Variants in MCF2L2 observed in about 807,000 individuals in gnomAD.
The protein encoded by MCF2L2 is MCF.2 cell line derived transforming sequence-like 2.
Under a neutral mutation model 150.2 loss-of-function variants are expected in MCF2L2, and 102 were observed. The observed-to-expected ratio is 0.68, with a 90% confidence interval of 0.58 to 0.80. MCF2L2 has a LOEUF of 0.80. Among genes scored for constraint, MCF2L2 ranks in the 30% least tolerant of loss-of-function variants. MCF2L2 has a pLI of 0.00. For synonymous variants in MCF2L2, 465 were observed against 491.3 expected (o/e 0.95, Z 0.71); for missense variants, 1,256 against 1,372.8 (o/e 0.91, Z 1.34).
At chr3:183,360,358 A>C (rs765273910) in intron 3 of MCF2L2, among the ~76,000 whole-genome samples, 1 of 152,130 alleles carries the variant, frequency 6.6e-6, no homozygotes, top group Non-Finnish European at 1.5e-5. Context: ...ACTTGAGCCC[A>C]GGAGTTCATG....
chr3:183,315,495 G>A (rs969703659), intron 7 of MCF2L2, among the ~76,000 whole-genome samples: 1 of 152,158 alleles, frequency 6.6e-6, no homozygotes, highest in African/African-American at 2.4e-5. Flanking sequence ...CTTACAGGTT[G>A]GATAGGGGGT....
At chr3:183,221,943 G>T (rs1353566) in intron 20 of MCF2L2, among the ~76,000 whole-genome samples, 93,015 of 152,018 alleles carry the variant, frequency 0.61, 28,745 homozygotes, top group East Asian at 0.7. Flanking sequence ...GCCCAAGAGG[G>T]CAAGGTCTCA....
chr3:183,296,925 C>G, intron 12 of MCF2L2, 51 bp downstream of exon 12: 1 of 1,559,856 alleles, frequency 6.4e-7, no homozygotes. Flanking sequence ...CAGTCCCTCC[C>G]TCCCCTATCC....
chr3:183,412,649 T>C (rs1170451843), intron 1 of MCF2L2, among the ~76,000 whole-genome samples: 3 of 152,204 alleles, frequency 2.0e-5, no homozygotes, highest in Non-Finnish European at 4.4e-5. Context: ...ATATACAAGA[T>C]CATGTCATCT....
intron 15 of MCF2L2, among the ~76,000 whole-genome samples, chr3:183,245,973 A>G (rs1724234139): frequency 6.6e-6 from 1 of 152,184 alleles, no homozygotes; most frequent in Non-Finnish European, 1.5e-5. Flanking sequence ...AACTACCTCA[A>G]ATTCTTTTTG....
intron 7 of MCF2L2, among the ~76,000 whole-genome samples, chr3:183,315,868 A>T (rs531518750): frequency 6.6e-6 from 1 of 152,280 alleles, no homozygotes; most frequent in South Asian, 2.1e-4. Context: ...CTAAAAATCT[A>T]AATGTTTTAA....
intron 20 of MCF2L2, among the ~76,000 whole-genome samples, chr3:183,220,334 T>C (rs891928017): frequency 6.6e-6 from 1 of 152,252 alleles, no homozygotes; most frequent in African/African-American, 2.4e-5. Flanking sequence ...TAGAGTGTTA[T>C]ATCTTAGAGA....
At chr3:183,419,961 G>A (rs112561828) in intron 1 of MCF2L2, among the ~76,000 whole-genome samples, 9 of 152,354 alleles carry the variant, frequency 5.9e-5, no homozygotes, top group Middle Eastern at 3.4e-3. Flanking sequence ...AAGTTCTACA[G>A]ATCTCTAAGG....
At chr3:183,397,753 T>A (rs547422113) in intron 1 of MCF2L2, among the ~76,000 whole-genome samples, 6 of 152,216 alleles carry the variant, frequency 3.9e-5, no homozygotes, top group Non-Finnish European at 5.9e-5. Flanking sequence ...ATATGCAGCA[T>A]TTTAGCCAAG....
At position 183,270,891 on chromosome 3, in the gene MCF2L2, A is replaced by G. The variant is rs965776639; in HGVS notation, c.1862+5981T>C. ...AATGAAGATAATTCTCCTTTGTAAAATTAGCTATGTGGACACATACCCTTG... is the reference window on the plus strand; with the variant it reads ...AATGAAGATAATTCTCCTTTGTAAAGTTAGCTATGTGGACACATACCCTTG... On this transcript the variant is annotated intron_variant, in intron 15 of 29. Coordinates refer to ENST00000328913, the MANE Select transcript of MCF2L2 (RefSeq NM_015078.4). The surrounding 1 kb of genome is among the most constrained non-coding windows in gnomAD (Gnocchi z 4.5). 2.5e-6 allele frequency: 4 copies of G among 1,606,756 alleles called. No individual in the cohort carries two copies. The African/African-American group carries it at 4.0e-5, about 16-fold the overall frequency.
intron 10 of MCF2L2, among the ~76,000 whole-genome samples, chr3:183,300,821 C>T (rs1035219918): frequency 4.0e-5 from 6 of 151,574 alleles, no homozygotes; most frequent in African/African-American, 9.7e-5. Flanking sequence ...GTTCAAGACG[C>T]GCCTGACCAA....
chr3:183,186,078 CA>C (rs1721683108), intron 27 of MCF2L2, among the ~76,000 whole-genome samples: 1 of 152,022 alleles, frequency 6.6e-6, no homozygotes, highest in African/African-American at 2.4e-5. Flanking sequence ...CAGCTGCCCT[CA>C]AATGTTCTGG....
chr3:183,306,794 A>G (rs1233534588), intron 10 of MCF2L2, among the ~76,000 whole-genome samples: 1 of 152,170 alleles, frequency 6.6e-6, no homozygotes, highest in East Asian at 1.9e-4. Context: ...ACATCCTTAG[A>G]TGTTAATGGC....
At chr3:183,285,650 C>T (rs1425284494) in intron 14 of MCF2L2, among the ~76,000 whole-genome samples, 2 of 152,198 alleles carry the variant, frequency 1.3e-5, no homozygotes, top group Non-Finnish European at 2.9e-5. Context: ...CATTCAAAAA[C>T]TTTTATTTAT....
At chr3:183,340,809 G>A (rs550576861) in intron 4 of MCF2L2, among the ~76,000 whole-genome samples, 6 of 152,220 alleles carry the variant, frequency 3.9e-5, no homozygotes, top group African/African-American at 1.4e-4. Context: ...CAAGCGTGGT[G>A]GTGCACGCCT....
At chr3:183,189,141 A>C (rs911197074) in intron 27 of MCF2L2, among the ~76,000 whole-genome samples, 17 of 152,316 alleles carry the variant, frequency 1.1e-4, no homozygotes, top group Non-Finnish European at 2.2e-4. Flanking sequence ...AGTCTTGAAG[A>C]CATGGAGCCC....
chr3:183,327,191 G>A (rs573364187), intron 5 of MCF2L2, among the ~76,000 whole-genome samples: 22 of 152,220 alleles, frequency 1.4e-4, no homozygotes, highest in African/African-American at 4.6e-4. Context: ...CGGGCGTGGT[G>A]GCAGTCGCCT....
intron 12 of MCF2L2, among the ~76,000 whole-genome samples, chr3:183,295,920 T>A (rs1333457850): frequency 1.3e-5 from 2 of 152,154 alleles, no homozygotes; most frequent in Non-Finnish European, 2.9e-5. Context: ...ATCATGCCAC[T>A]GCACTCCAGC....
chr3:183,342,230 GA>G (rs1341564861), intron 3 of MCF2L2, among the ~76,000 whole-genome samples: 1 of 152,170 alleles, frequency 6.6e-6, no homozygotes. Flanking sequence ...AGAATCTTTC[GA>G]AAGTAGAATT....
Sources: allele counts gnomAD v4.1 joint callset (sites outside exome capture counted in the v4.1 genomes callset), GRCh38; gene constraint gnomAD v4.1.1; non-coding constraint Gnocchi (gnomAD v3.1); transcripts MANE v1.5; gene names NCBI Gene and HGNC (gene_info 2026-07-23, HGNC 2026-07-21).